SCNN1B: variants seen among roughly 807,000 people sequenced by gnomAD.
SCNN1B encodes epithelial sodium channel subunit beta.
A neutral mutation model predicts 65.3 loss-of-function variants in SCNN1B; 46 were observed. The ratio of observed to expected loss-of-function variants is 0.70; its 90% CI spans 0.56 to 0.90. The LOEUF (loss-of-function observed/expected upper bound fraction) is 0.90, where lower values mean the gene tolerates loss of function less well. Ranked by LOEUF, SCNN1B falls within the 40% of genes least tolerant of loss-of-function variation. SCNN1B has a pLI of 0.00. For synonymous variants in SCNN1B, 349 were observed against 330.6 expected (o/e 1.06, Z -0.60); for missense variants, 751 against 830.5 (o/e 0.90, Z 1.18).
At position 23,355,284 on chromosome 16, in the gene SCNN1B, T is replaced by C. The variant is rs371098444; in HGVS notation, c.586-15T>C. The C allele has an allele frequency of 6.8e-5, 109 of 1,613,906 alleles. No individual in the cohort carries two copies. Among genetic ancestry groups the C allele is most frequent in the Non-Finnish European group, 8.3e-5 (98 of 1,179,940 alleles). ...CTCCCACGCCACCCACAAAAACCCC[T>C]CTTGGCCTCCACAGTGTAGCCTCAA... On this transcript the variant is annotated splice_polypyrimidine_tract_variant and intron_variant, in intron 3 of 12. Transcript: ENST00000343070.
intron 4 of SCNN1B, 55 bp from the exon 5 acceptor site, chr16:23,367,801 G>A (rs1442982868): frequency 1.5e-6 from 2 of 1,335,424 alleles, no homozygotes; most frequent in South Asian, 1.2e-5. Context: ...CAGACAGTCG[G>A]GGGAGGCATT....
At chr16:23,379,967 C>G (rs1963004027) in intron 11 of SCNN1B, 127 bp from the exon 12 acceptor site, 2 of 784,706 alleles carry the variant, frequency 2.5e-6, no homozygotes, top group African/African-American at 3.4e-5. Context: ...TGTGTGGGTA[C>G]ATGTGTGTGC....
Position 23,368,922 on chromosome 16 carries a change from G to A in SCNN1B, c.880+963G>A, listed in dbSNP as rs901393192. Reference sequence around the variant, plus strand: ...GTGGGAGGGTAGGAGGCAGGTGAGGGACAAGAAATTAATGAGTACAGTATA... The same window carrying A: ...GTGGGAGGGTAGGAGGCAGGTGAGGAACAAGAAATTAATGAGTACAGTATA... On this transcript the variant is annotated intron_variant, in intron 5 of 12. Transcript: ENST00000343070. 1.4e-4 allele frequency among the ~76,000 whole-genome samples: 22 copies of A among 152,250 alleles called. No homozygotes were observed. In the South Asian group the frequency reaches 4.4e-3, roughly 30 times the overall value.
chr16:23,360,225 T>TAAATAAATAAATAAAG (rs748501690), intron 4 of SCNN1B, among the ~76,000 whole-genome samples: 1 of 150,022 alleles, frequency 6.7e-6, no homozygotes, highest in Non-Finnish European at 1.5e-5. Flanking sequence ...AATAAATAAA[T>TAAATAAATAAATAAAG]AAACAAATAA....
chr16:23,337,442 C>T (rs1200553244), intron 1 of SCNN1B, among the ~76,000 whole-genome samples: 3 of 145,088 alleles, frequency 2.1e-5, no homozygotes, highest in South Asian at 2.2e-4. Flanking sequence ...GGTATGATCT[C>T]GGCTCACTGC....
intron 1 of SCNN1B, among the ~76,000 whole-genome samples, chr16:23,318,718 G>A (rs1961524780): frequency 1.3e-5 from 2 of 152,246 alleles, no homozygotes; most frequent in Admixed American, 1.3e-4. Flanking sequence ...TGTGAGTAAA[G>A]CTAAGCACAG....
At chr16:23,379,868 T>A (rs1283432332) in intron 11 of SCNN1B, among the ~76,000 whole-genome samples, 1 of 152,188 alleles carries the variant, frequency 6.6e-6, no homozygotes, top group Non-Finnish European at 1.5e-5. Context: ...ACCTCCCCAC[T>A]CACGGGGGCA....
intron 1 of SCNN1B, among the ~76,000 whole-genome samples, chr16:23,305,362 G>C (rs749313711): frequency 1.1e-4 from 17 of 150,810 alleles, no homozygotes; most frequent in Non-Finnish European, 3.0e-5. Flanking sequence ...TATCAGTAAA[G>C]CTGGCAATGG....
chr16:23,314,436 G>A (rs140280324), intron 1 of SCNN1B, among the ~76,000 whole-genome samples: 1,741 of 152,300 alleles, frequency 0.011, 15 homozygotes, highest in Admixed American at 0.024. Flanking sequence ...GTAATTGTCT[G>A]CATTTCACAG....
chr16:23,323,568 G>A (rs1195326215), intron 1 of SCNN1B: 2 of 702,994 alleles, frequency 2.8e-6, no homozygotes, highest in South Asian at 1.5e-5. Flanking sequence ...GGAAACCAGG[G>A]CACAGAGAGG....
chr16:23,377,699 C>T (rs1162468973), intron 10 of SCNN1B, among the ~76,000 whole-genome samples: 6 of 69,598 alleles, frequency 8.6e-5, no homozygotes, highest in Middle Eastern at 0.015. Flanking sequence ...CATTTCCTTC[C>T]TTCTTTCCTT....
chr16:23,340,564 A>G (rs1596851733), intron 1 of SCNN1B, among the ~76,000 whole-genome samples: 1 of 151,994 alleles, frequency 6.6e-6, no homozygotes. Context: ...TTACGTTTTA[A>G]TCTTTCTTTT....
chr16:23,369,071 A>G (rs1478422611), intron 5 of SCNN1B, among the ~76,000 whole-genome samples: 1 of 152,138 alleles, frequency 6.6e-6, no homozygotes, highest in African/African-American at 2.4e-5. Flanking sequence ...GAAATACATA[A>G]CAGTCTCTTA....
chr16:23,279,264 G>C (rs1337521356), intron 1 of SCNN1B, among the ~76,000 whole-genome samples: 1 of 152,096 alleles, frequency 6.6e-6, no homozygotes, highest in African/African-American at 2.4e-5. Context: ...ATTTTTAGTA[G>C]AGACGGGTTT....
chr16:23,304,001 T>C (rs1187463385), intron 1 of SCNN1B: 1 of 1,318,186 alleles, frequency 7.6e-7, no homozygotes, highest in Non-Finnish European at 1.1e-6. Flanking sequence ...CAGTTATCCA[T>C]GCTGCTGCAT....
At chr16:23,284,041 T>C (rs573845905) in intron 2 of SCNN1B, among the ~76,000 whole-genome samples, 1 of 152,324 alleles carries the variant, frequency 6.6e-6, no homozygotes, top group East Asian at 1.9e-4. Context: ...GTGCCTCTTT[T>C]TGGCCCAATT....
Position 23,312,244 on chromosome 16 carries a change from A to G in SCNN1B, c.-9+9807A>G, listed in dbSNP as rs145461093. Reference sequence around the variant, plus strand: ...CTCGAGCTCACAAAGTGTTGGGATTATAGGCATGAGCTACCTCGCCTGGCT... The same window carrying G: ...CTCGAGCTCACAAAGTGTTGGGATTGTAGGCATGAGCTACCTCGCCTGGCT... On this transcript the variant is annotated intron_variant, in intron 1 of 12. Transcript: ENST00000343070. 1.7e-3 allele frequency among the ~76,000 whole-genome samples: 261 copies of G among 152,268 alleles called. 8 individuals carry two copies. The East Asian group carries it at 0.04, about 24-fold the overall frequency.
chr16:23,286,060 A>G (rs537578438), intron 2 of SCNN1B, among the ~76,000 whole-genome samples: 1 of 152,284 alleles, frequency 6.6e-6, no homozygotes, highest in African/African-American at 2.4e-5. Flanking sequence ...AGAGAAAGAG[A>G]AAACAGAAAA....
chr16:23,309,513 G>T (rs1961295180), intron 1 of SCNN1B, among the ~76,000 whole-genome samples: 2 of 152,334 alleles, frequency 1.3e-5, no homozygotes, highest in South Asian at 2.1e-4. Context: ...TAGGCTGTTT[G>T]CAAGCTGAGG....
Sources: allele counts gnomAD v4.1 joint callset (sites outside exome capture counted in the v4.1 genomes callset), GRCh38; gene constraint gnomAD v4.1.1; transcripts MANE v1.5; gene names NCBI Gene and HGNC (gene_info 2026-07-23, HGNC 2026-07-21).